CLSTN2: variants seen among roughly 807,000 people sequenced by gnomAD.
CLSTN2 encodes the protein calsyntenin-2.
CLSTN2 carries 48 observed loss-of-function variants against 101.2 expected under a neutral mutation model. The observed-to-expected ratio is 0.47, with a 90% CI of 0.38 to 0.60. The LOEUF is 0.60. CLSTN2 is among the 20% of genes least tolerant of loss of function. The probability of loss-of-function intolerance (pLI) is 0.00; values close to 1 mark genes in which losing one functional copy is unlikely to be tolerated. For synonymous variants in CLSTN2, 481 were observed against 463.6 expected (o/e 1.04, Z -0.48); for missense variants, 1,160 against 1,238.2 (o/e 0.94, Z 0.95).
intron 9 of CLSTN2, among the ~76,000 whole-genome samples, chr3:140,533,710 C>CA (rs71627883): frequency 0.11 from 6,215 of 57,866 alleles, 484 homozygotes; most frequent in African/African-American, 0.19. Context: ...GACTCCATCT[C>CA]AAAAAAAAAA....
chr3:140,345,600 ATTTTTTTTT>A (rs35828839), intron 2 of CLSTN2, among the ~76,000 whole-genome samples: 27 of 121,132 alleles, frequency 2.2e-4, no homozygotes, highest in Admixed American at 7.7e-4. Flanking sequence ...TATGTGTGGA[ATTTTTTTTT>A]TTTTTTTTTT....
At chr3:140,006,118 T>C (rs538691042) in intron 1 of CLSTN2, among the ~76,000 whole-genome samples, 23 of 152,238 alleles carry the variant, frequency 1.5e-4, no homozygotes, top group Non-Finnish European at 2.4e-4. Flanking sequence ...TTAATCCACA[T>C]TGAGGTTTTG....
intron 1 of CLSTN2, among the ~76,000 whole-genome samples, chr3:140,098,129 AAAAC>A (rs1413491467): frequency 6.6e-6 from 1 of 152,142 alleles, no homozygotes; most frequent in Non-Finnish European, 1.5e-5. Context: ...ACAAAACAAA[AAAAC>A]TTTATTTTAT....
chr3:140,439,011 A>G (rs1576568222), intron 5 of CLSTN2, among the ~76,000 whole-genome samples: 1 of 152,214 alleles, frequency 6.6e-6, no homozygotes, highest in Non-Finnish European at 1.5e-5. Flanking sequence ...CAGCCAGGGT[A>G]AAAGGAAAGG....
intron 5 of CLSTN2, among the ~76,000 whole-genome samples, chr3:140,438,014 A>G (rs751384936): frequency 3.1e-4 from 47 of 152,298 alleles, no homozygotes; most frequent in Admixed American, 9.2e-4. Context: ...AGGTGTATCC[A>G]AATGTGCTTG....
intron 1 of CLSTN2, among the ~76,000 whole-genome samples, chr3:139,949,751 T>A (rs865888684): frequency 6.6e-6 from 1 of 152,182 alleles, no homozygotes; most frequent in Non-Finnish European, 1.5e-5. Context: ...CACGCACTGA[T>A]GAGAATTTGG....
intron 16 of CLSTN2, 85 bp from the exon 17 acceptor site, chr3:140,565,968 T>G (rs1412843649): frequency 6.5e-7 from 1 of 1,548,750 alleles, no homozygotes; most frequent in Non-Finnish European, 8.8e-7. Flanking sequence ...CGTAAATGTT[T>G]CCTTAATGGA....
intron 1 of CLSTN2, among the ~76,000 whole-genome samples, chr3:140,092,321 G>A (rs1294108507): frequency 1.3e-5 from 2 of 152,236 alleles, no homozygotes; most frequent in African/African-American, 4.8e-5. Flanking sequence ...AAAACTGTAA[G>A]GATGAGAGAC....
intron 1 of CLSTN2, among the ~76,000 whole-genome samples, chr3:140,021,557 G>T (rs1445716936): frequency 6.6e-6 from 1 of 152,096 alleles, no homozygotes; most frequent in African/African-American, 2.4e-5. Flanking sequence ...GTCTGGGTGG[G>T]TTGTGTGTGT....
At chr3:140,349,299 G>A (rs1276673362) in intron 2 of CLSTN2, among the ~76,000 whole-genome samples, 4 of 152,234 alleles carry the variant, frequency 2.6e-5, no homozygotes, top group East Asian at 1.9e-4. Flanking sequence ...TTATAGCAGC[G>A]TGAGAATGGA....
At chr3:140,369,920 G>A (rs1305895014) in intron 2 of CLSTN2, among the ~76,000 whole-genome samples, 1 of 152,198 alleles carries the variant, frequency 6.6e-6, no homozygotes, top group Non-Finnish European at 1.5e-5. Flanking sequence ...TTATAGATGT[G>A]TACTGTATAT....
At chr3:140,277,421 C>T (rs968593824) in intron 2 of CLSTN2, among the ~76,000 whole-genome samples, 6 of 152,210 alleles carry the variant, frequency 3.9e-5, no homozygotes, top group African/African-American at 1.4e-4. Flanking sequence ...TCCAGTTGCA[C>T]TGGGCCTGAG....
chr3:140,559,088 G>A (rs1159266706), intron 12 of CLSTN2, among the ~76,000 whole-genome samples: 1 of 151,760 alleles, frequency 6.6e-6, no homozygotes, highest in Non-Finnish European at 1.5e-5. Flanking sequence ...GAACGCATTT[G>A]TGCTAAATGG....
chr3:140,061,041 A>T (rs1293172786), intron 1 of CLSTN2, among the ~76,000 whole-genome samples: 2 of 152,142 alleles, frequency 1.3e-5, no homozygotes, highest in Non-Finnish European at 2.9e-5. Flanking sequence ...ATAAGAGAAG[A>T]TATTACTTAC....
intron 9 of CLSTN2, 38 bp downstream of exon 9, chr3:140,532,524 T>C: frequency 1.3e-6 from 2 of 1,571,032 alleles, no homozygotes; most frequent in Non-Finnish European, 1.7e-6. Context: ...GACCTGTTTG[T>C]GAATAGTTCT....
At chr3:140,194,295 A>G (rs972169162) in intron 2 of CLSTN2, among the ~76,000 whole-genome samples, 1 of 152,062 alleles carries the variant, frequency 6.6e-6, no homozygotes. Context: ...TACATGGTGG[A>G]AGGGATGAGG....
At chr3:140,160,929 G>A (rs534472261) in intron 1 of CLSTN2, among the ~76,000 whole-genome samples, 1 of 152,244 alleles carries the variant, frequency 6.6e-6, no homozygotes, top group Non-Finnish European at 1.5e-5. Context: ...CTTTGGTTCA[G>A]ATAATCATTG....
chr3:140,562,697 T>C, intron 13 of CLSTN2, 114 bp from the exon 14 acceptor site: 1 of 1,161,984 alleles, frequency 8.6e-7, no homozygotes, highest in Non-Finnish European at 1.2e-6. Context: ...GCTCTTACCC[T>C]CAACAAATTT....
At chr3:140,054,050 G>A (rs2008052533) in intron 1 of CLSTN2, among the ~76,000 whole-genome samples, 1 of 152,190 alleles carries the variant, frequency 6.6e-6, no homozygotes, top group South Asian at 2.1e-4. Context: ...ATGCACAGAT[G>A]TTTAACTCTC....
Sources: gnomAD v4.1 joint callset for allele counts (sites outside exome capture counted in the v4.1 genomes callset) on GRCh38, gnomAD v4.1.1 for gene constraint, MANE v1.5 for transcripts, NCBI Gene and HGNC (gene_info 2026-07-23, HGNC 2026-07-21) for gene names.